Variants in MAGI2 observed in about 807,000 individuals in gnomAD.
MAGI2 encodes membrane associated guanylate kinase, WW and PDZ domain containing 2.
MAGI2 carries 35 observed loss-of-function variants against 133.3 expected under a neutral mutation model. The observed-to-expected ratio is 0.26, with a 90% CI of 0.20 to 0.35. The LOEUF is 0.35. Among genes scored for constraint, MAGI2 ranks in the 10% least tolerant of loss-of-function variants. MAGI2 has a pLI of 1.00. For missense variants in MAGI2, 1,636 were observed against 1,863.4 expected (o/e 0.88, Z 2.25); for synonymous variants, 729 against 710.6 (o/e 1.03, Z -0.41).
rs145407981 is a variant in MAGI2, at chr7:78,173,370, T to G, written c.2403+4641A>C. ...ACTCTCCTCTTGAGCCAGCCAAGAC[T>G]ATTCCCTCCCTGTGACTCAGTCATG... On this transcript the variant is annotated intron_variant, in intron 14 of 21. Transcript: ENST00000354212. 6.6e-3 allele frequency among the ~76,000 whole-genome samples: 1,004 copies of G among 152,348 alleles called. 7 individuals carry two copies. The highest frequency in any genetic ancestry group is 0.023 in the African/African-American group (950 of 41,574).
At chr7:78,491,132 C>G (rs747795811) in intron 5 of MAGI2, among the ~76,000 whole-genome samples, 35 of 151,952 alleles carry the variant, frequency 2.3e-4, no homozygotes, top group Non-Finnish European at 4.4e-4. Context: ...TCTGATAAAC[C>G]AATCTGTACT....
intron 2 of MAGI2, among the ~76,000 whole-genome samples, chr7:78,723,085 T>C (rs1239534293): frequency 6.6e-6 from 1 of 152,188 alleles, no homozygotes; most frequent in Non-Finnish European, 1.5e-5. Context: ...AGTTGTCTGT[T>C]AAGCATTGCA....
intron 6 of MAGI2, among the ~76,000 whole-genome samples, chr7:78,380,573 T>G (rs1010059493): frequency 6.6e-6 from 1 of 151,562 alleles, no homozygotes; most frequent in African/African-American, 2.4e-5. Context: ...ATATATAGAG[T>G]AGAATGATGG....
chr7:78,802,441 T>A (rs1187467728), intron 2 of MAGI2, among the ~76,000 whole-genome samples: 1 of 152,212 alleles, frequency 6.6e-6, no homozygotes, highest in Admixed American at 6.5e-5. Context: ...TTCAGTGAAA[T>A]GTCCCAATTT....
At chr7:79,044,658 A>C (rs1215911474) in intron 1 of MAGI2, among the ~76,000 whole-genome samples, 1 of 152,224 alleles carries the variant, frequency 6.6e-6, no homozygotes, top group Non-Finnish European at 1.5e-5. Flanking sequence ...TTATATGATT[A>C]TGACTAGAAA....
chr7:78,295,596 A>G (rs1264536597), intron 9 of MAGI2, among the ~76,000 whole-genome samples: 1 of 152,126 alleles, frequency 6.6e-6, no homozygotes, highest in East Asian at 1.9e-4. Flanking sequence ...TCCTATCACA[A>G]TGACTGTTCA....
intron 1 of MAGI2, among the ~76,000 whole-genome samples, chr7:79,214,932 A>G (rs991582507): frequency 6.8e-6 from 1 of 147,858 alleles, no homozygotes; most frequent in African/African-American, 2.5e-5. Context: ...TCTATGATAT[A>G]TAACATATAA....
intron 2 of MAGI2, among the ~76,000 whole-genome samples, chr7:78,954,608 C>T (rs1199769453): frequency 6.6e-6 from 1 of 152,074 alleles, no homozygotes; most frequent in Non-Finnish European, 1.5e-5. Context: ...TGCCTCCTTC[C>T]CCTAATTTAG....
chr7:78,368,098 A>G (rs1322591281), intron 7 of MAGI2, among the ~76,000 whole-genome samples: 2 of 152,192 alleles, frequency 1.3e-5, no homozygotes, highest in African/African-American at 4.8e-5. Context: ...GGCTTTTCCA[A>G]ATGAAAATGA....
intron 2 of MAGI2, among the ~76,000 whole-genome samples, chr7:78,657,676 A>G (rs1812455390): frequency 6.6e-6 from 1 of 152,254 alleles, no homozygotes. Context: ...ATAAATAGGC[A>G]GAGCATATGT....
chr7:78,371,694 C>T (rs1793933222), intron 6 of MAGI2, among the ~76,000 whole-genome samples: 1 of 151,928 alleles, frequency 6.6e-6, no homozygotes, highest in Non-Finnish European at 1.5e-5. Context: ...TATACTGTCC[C>T]ACTTGTTATC....
At chr7:79,367,875 A>ATATATATATATATATATATATATATGTG (rs1342246318) in intron 1 of MAGI2, among the ~76,000 whole-genome samples, 25 of 122,108 alleles carry the variant, frequency 2.0e-4, no homozygotes, top group African/African-American at 7.3e-4. Flanking sequence ...ATATATATAT[A>ATATATATATATATATATATATATATGTG]TGTCATTGAC....
chr7:78,367,881 A>G (rs1562896791), intron 7 of MAGI2, among the ~76,000 whole-genome samples: 1 of 152,154 alleles, frequency 6.6e-6, no homozygotes, highest in Non-Finnish European at 1.5e-5. Context: ...ATCTAGTGGG[A>G]CACAGAGGCC....
chr7:78,270,310 A>G (rs896616441), intron 9 of MAGI2, among the ~76,000 whole-genome samples: 7 of 152,106 alleles, frequency 4.6e-5, no homozygotes, highest in African/African-American at 1.4e-4. Flanking sequence ...AAGAAAGTCA[A>G]TGGTAGCTTG....
intron 1 of MAGI2, among the ~76,000 whole-genome samples, chr7:79,389,850 C>T (rs1267014541): frequency 6.6e-6 from 1 of 151,924 alleles, no homozygotes; most frequent in African/African-American, 2.4e-5. Context: ...TAGAGCTATC[C>T]CCATGGTTCC....
At chr7:78,564,816 C>T (rs1427531928) in intron 3 of MAGI2, among the ~76,000 whole-genome samples, 5 of 55,456 alleles carry the variant, frequency 9.0e-5, no homozygotes, top group African/African-American at 3.1e-4. Context: ...TTTTTTGAGA[C>T]GGAGTCTTGC....
chr7:79,139,958 G>T (rs1022897645), intron 1 of MAGI2: 1 of 152,160 alleles, frequency 6.6e-6, no homozygotes, highest in Non-Finnish European at 1.5e-5. Flanking sequence ...TGAACCTGTA[G>T]CAGGGCATGG....
At chr7:78,486,624 T>C (rs565861518) in intron 6 of MAGI2, 11 of 308,886 alleles carry the variant, frequency 3.6e-5, no homozygotes, top group Non-Finnish European at 6.5e-5. Context: ...GTGCAGTGAT[T>C]GAAGGAGGAA....
intron 3 of MAGI2, 116 bp from the exon 4 acceptor site, chr7:78,521,761 T>C: frequency 1.4e-6 from 1 of 731,146 alleles, no homozygotes; most frequent in Non-Finnish European, 2.3e-6. Context: ...TGTACATACA[T>C]AGACACATAC....
Sources: gnomAD v4.1 joint callset for allele counts (sites outside exome capture counted in the v4.1 genomes callset) on GRCh38, gnomAD v4.1.1 for gene constraint, MANE v1.5 for transcripts, NCBI Gene and HGNC (gene_info 2026-07-23, HGNC 2026-07-21) for gene names.